The following NRG3 variants were observed in gnomAD, a reference collection of about 807,000 sequenced individuals.
The protein encoded by NRG3 is neuregulin 3.
Under a neutral mutation model 66.9 loss-of-function variants are expected in NRG3, and 31 were observed. That is an observed-to-expected ratio of 0.46 (90% CI 0.35 to 0.63). The LOEUF (loss-of-function observed/expected upper bound fraction) is 0.63. Among genes scored for constraint, NRG3 ranks in the 20% least tolerant of loss-of-function variants. The probability of loss-of-function intolerance (pLI) is 0.00; values close to 1 mark genes in which losing one functional copy is unlikely to be tolerated. For missense variants in NRG3, 910 were observed against 878.9 expected, an observed-to-expected ratio of 1.04 and a Z score of -0.45; for synonymous variants, 393 against 359.4, an observed-to-expected ratio of 1.09 and a Z score of -1.06.
At chr10:82,214,293 A>G (rs1347596568) in intron 1 of NRG3, among the ~76,000 whole-genome samples, 1 of 152,138 alleles carries the variant, frequency 6.6e-6, no homozygotes, top group Non-Finnish European at 1.5e-5. Context: ...TCAAGAAGAA[A>G]GAGTAACTAT....
intron 2 of NRG3, among the ~76,000 whole-genome samples, chr10:82,717,390 CTTTTTTTTTTT>C (rs59189864): frequency 2.8e-4 from 23 of 83,568 alleles, no homozygotes; most frequent in Admixed American, 4.8e-4. Flanking sequence ...ATTGGAAAAG[CTTTTTTTTTTT>C]TTTTTTTTTT....
intron 3 of NRG3, among the ~76,000 whole-genome samples, chr10:82,811,080 C>G (rs1461755812): frequency 6.6e-6 from 1 of 152,146 alleles, no homozygotes; most frequent in Admixed American, 6.5e-5. Flanking sequence ...TCACTGGGGG[C>G]TCCTTTGAGC....
chr10:81,875,868 G>A lies in NRG3; in HGVS notation c.528G>A (p.Arg176=). The A allele has an allele frequency of 6.2e-7, 1 of 1,610,560 alleles. No individual in the cohort carries two copies. The highest frequency in any genetic ancestry group is 8.5e-7 in the Non-Finnish European group (1 of 1,179,738). The change falls in exon 1 of 9, where the codon CGG becomes CGA. Residue 176 remains arginine (R), a synonymous_variant. Coordinates refer to ENST00000372141, the MANE Select transcript of NRG3 (RefSeq NM_001010848.4). The surrounding 1 kb of genome is among the most constrained non-coding windows in gnomAD (Gnocchi z 5.3). ...TCCCCGGGCACCGGGTGCCCATCCG[G>A]GCCAGCCCGCGCTCCACCACAGCAC... is the stretch of plus-strand genomic sequence containing the variant. ...TRFPGHRVPI[R]ASPRSTTARN... is the part of the protein sequence containing the mutation.
chr10:82,147,117 T>C (rs887072185), intron 1 of NRG3, among the ~76,000 whole-genome samples: 17 of 152,266 alleles, frequency 1.1e-4, no homozygotes, highest in Non-Finnish European at 2.2e-4. Flanking sequence ...CTATTTCCAT[T>C]GGGTCAAATT....
intron 2 of NRG3, among the ~76,000 whole-genome samples, chr10:82,733,315 C>T (rs922032988): frequency 2.0e-5 from 3 of 152,140 alleles, no homozygotes; most frequent in Non-Finnish European, 4.4e-5. Flanking sequence ...ATAAAAATGA[C>T]TAAAATGCAA....
intron 1 of NRG3, among the ~76,000 whole-genome samples, chr10:82,130,312 T>C (rs940518326): frequency 1.3e-5 from 2 of 152,202 alleles, no homozygotes; most frequent in African/African-American, 4.8e-5. Flanking sequence ...TGTGCCTTGT[T>C]GGTGTGCTGC....
chr10:82,759,432 C>A (rs1449416665), intron 3 of NRG3, among the ~76,000 whole-genome samples: 1 of 152,074 alleles, frequency 6.6e-6, no homozygotes, highest in East Asian at 1.9e-4. Context: ...TTGTAGATTG[C>A]CCAGACTCAA....
chr10:82,780,692 A>G (rs184999385), intron 3 of NRG3, among the ~76,000 whole-genome samples: 2 of 152,158 alleles, frequency 1.3e-5, no homozygotes, highest in African/African-American at 4.8e-5. Context: ...TGACAGTTTA[A>G]TTTTGAGATA....
At chr10:82,300,888 C>T (rs1203664133) in intron 1 of NRG3, among the ~76,000 whole-genome samples, 1 of 152,014 alleles carries the variant, frequency 6.6e-6, no homozygotes, top group Admixed American at 6.6e-5. Flanking sequence ...CCCAGCTACT[C>T]AGGAGGCTGA....
chr10:82,897,808 C>G (rs1237532412), intron 4 of NRG3, among the ~76,000 whole-genome samples: 1 of 152,214 alleles, frequency 6.6e-6, no homozygotes, highest in Non-Finnish European at 1.5e-5. Flanking sequence ...GCATAAGCCA[C>G]TGCGCCCTGC....
chr10:82,537,721 C>T (rs2132713274), intron 2 of NRG3, among the ~76,000 whole-genome samples: 1 of 152,114 alleles, frequency 6.6e-6, no homozygotes, highest in South Asian at 2.1e-4. Flanking sequence ...AAACTTTATA[C>T]CTTCAATTTT....
At chr10:82,508,493 G>A (rs1844880740) in intron 2 of NRG3, among the ~76,000 whole-genome samples, 1 of 152,106 alleles carries the variant, frequency 6.6e-6, no homozygotes, top group South Asian at 2.1e-4. Flanking sequence ...AAAATCCAGA[G>A]ACAATCAATA....
At chr10:82,094,979 C>T (rs1173119046) in intron 1 of NRG3, among the ~76,000 whole-genome samples, 2 of 152,124 alleles carry the variant, frequency 1.3e-5, no homozygotes, top group Admixed American at 6.6e-5. Flanking sequence ...TGACTTGACC[C>T]CTATGCAATA....
chr10:82,955,424 C>A (rs1849948159), intron 5 of NRG3, among the ~76,000 whole-genome samples: 1 of 151,876 alleles, frequency 6.6e-6, no homozygotes, highest in Non-Finnish European at 1.5e-5. Flanking sequence ...CAGTGTGGCT[C>A]ACGCAATGAC....
chr10:82,959,355 T>C (rs542456152), intron 6 of NRG3, among the ~76,000 whole-genome samples: 1 of 152,310 alleles, frequency 6.6e-6, no homozygotes, highest in South Asian at 2.1e-4. Flanking sequence ...TGAACACTTG[T>C]TGAATCCTTA....
chr10:82,518,572 AT>A (rs1217772397), intron 2 of NRG3, among the ~76,000 whole-genome samples: 1 of 152,190 alleles, frequency 6.6e-6, no homozygotes, highest in Non-Finnish European at 1.5e-5. Flanking sequence ...TTCTTTAAAA[AT>A]ATTTTATTTG....
intron 1 of NRG3, among the ~76,000 whole-genome samples, chr10:82,126,314 A>G (rs1025009006): frequency 1.3e-5 from 2 of 152,132 alleles, no homozygotes; most frequent in African/African-American, 2.4e-5. Flanking sequence ...ATGTATAATG[A>G]GTAAATTTAA....
At chr10:82,656,165 A>T (rs541381349) in intron 2 of NRG3, among the ~76,000 whole-genome samples, 1 of 152,182 alleles carries the variant, frequency 6.6e-6, no homozygotes, top group Non-Finnish European at 1.5e-5. Flanking sequence ...GGATTTTTTT[A>T]ATTACACAAG....
intron 3 of NRG3, among the ~76,000 whole-genome samples, chr10:82,823,888 G>A (rs896480591): frequency 6.6e-6 from 1 of 152,028 alleles, no homozygotes; most frequent in Non-Finnish European, 1.5e-5. Flanking sequence ...ATAAAATTTG[G>A]TAGTTTTTTA....
Sources: gnomAD v4.1 joint callset for allele counts (sites outside exome capture counted in the v4.1 genomes callset) on GRCh38, gnomAD v4.1.1 for gene constraint, Gnocchi (gnomAD v3.1) non-coding constraint, MANE v1.5 for transcripts, NCBI Gene and HGNC (gene_info 2026-07-23, HGNC 2026-07-21) for gene names.